Variants in SYNE3 observed in about 807,000 individuals in gnomAD.
SYNE3 encodes the protein spectrin repeat containing nuclear envelope family member 3.
A neutral mutation model predicts 111.2 loss-of-function variants in SYNE3; 100 were observed. The observed-to-expected ratio is 0.90, with a 90% confidence interval of 0.77 to 1.06. SYNE3 has a LOEUF of 1.06. Among genes scored for constraint, SYNE3 ranks in the 50% least tolerant of loss-of-function variants. The pLI, the probability that SYNE3 is intolerant of heterozygous loss-of-function variation, is 0.00. For missense variants in SYNE3, 1,160 were observed against 1,240.3 expected, an observed-to-expected ratio of 0.94 and a Z score of 0.97; for synonymous variants, 547 against 533.9, an observed-to-expected ratio of 1.02 and a Z score of -0.34.
At chr14:95,474,603 T>C (rs940597191) in intron 2 of SYNE3, among the ~76,000 whole-genome samples, 2 of 152,148 alleles carry the variant, frequency 1.3e-5, no homozygotes, top group Non-Finnish European at 2.9e-5. Context: ...CAGTTGCAAA[T>C]GCAGACAATG....
chr14:95,439,667 T>C lies in SYNE3; in HGVS notation c.2191A>G (p.Arg731Gly), dbSNP rs1421738616. Residue 731 changes from arginine (R) to glycine (G), a missense_variant, in exon 13 of 18, where the codon AGG becomes GGG. By Grantham distance (125) the Arg-to-Gly change is moderately radical (BLOSUM62 -2). Transcript: ENST00000682763. Reference protein sequence around the residue: ...EGAAVVQEELRELAESWRALR... With the variant: ...EGAAVVQEELGELAESWRALR... ...GCCCGCCACGACTCTGCCAGCTCCC[T>C]GAGCTCCTCCTGCACCACGGCAGCA... The C allele has an allele frequency of 6.2e-7, 1 of 1,613,994 alleles. No homozygotes were observed. Among genetic ancestry groups the C allele is most frequent in the South Asian group, 1.1e-5 (1 of 91,072 alleles).
At chr14:95,462,399 A>C (rs978109965) in intron 4 of SYNE3, among the ~76,000 whole-genome samples, 5 of 152,228 alleles carry the variant, frequency 3.3e-5, no homozygotes, top group Non-Finnish European at 7.3e-5. Flanking sequence ...GAGAAAGCCA[A>C]AACTGAATTC....
intron 1 of SYNE3, among the ~76,000 whole-genome samples, chr14:95,480,020 C>T (rs758786238): frequency 1.1e-4 from 16 of 152,056 alleles, no homozygotes; most frequent in African/African-American, 3.1e-4. Flanking sequence ...GGAGAAGTTT[C>T]GTCTCTGGAC....
chr14:95,515,819 G>C (rs912309015), intron 1 of SYNE3, among the ~76,000 whole-genome samples: 3 of 152,176 alleles, frequency 2.0e-5, no homozygotes, highest in Admixed American at 6.5e-5. Flanking sequence ...TTATCACCCC[G>C]CCCAGGCTGG....
rs944891034 is a variant in SYNE3 at position 95,500,320 on chromosome 14, G to A, written c.-15+16276C>T. Reference sequence around the variant, plus strand: ...AACTTTGAGACGCCAGGTTTACGACGTGCCTGTGAGAAGCCGGGCATCCAG... The same window carrying A: ...AACTTTGAGACGCCAGGTTTACGACATGCCTGTGAGAAGCCGGGCATCCAG... On this transcript the variant is annotated intron_variant, in intron 1 of 17. Transcript: ENST00000682763. The surrounding 1 kb of genome is among the most constrained non-coding windows in gnomAD (Gnocchi z 4.7). Among the ~76,000 whole-genome samples the A allele has an allele frequency of 2.6e-5, 4 of 152,174 alleles. No individual in the cohort carries two copies. Among genetic ancestry groups the A allele is most frequent in the East Asian group, 1.9e-4 (1 of 5,188 alleles).
chr14:95,486,491 C>T (rs1889556351), intron 1 of SYNE3, among the ~76,000 whole-genome samples: 1 of 152,164 alleles, frequency 6.6e-6, no homozygotes, highest in Admixed American at 6.5e-5. Context: ...CCTGAACCCC[C>T]CAGACCTGCC....
chr14:95,449,448 C>A (rs1454894842), intron 8 of SYNE3: 2 of 985,274 alleles, frequency 2.0e-6, no homozygotes, highest in Non-Finnish European at 2.4e-6. Flanking sequence ...GGGAGATGCA[C>A]GTTTGGAGCC....
At chr14:95,427,116 G>A (rs1287099914) in intron 17 of SYNE3, among the ~76,000 whole-genome samples, 1 of 152,130 alleles carries the variant, frequency 6.6e-6, no homozygotes, top group African/African-American at 2.4e-5. Context: ...GATAGGAGCT[G>A]AGGGGACATA....
chr14:95,445,612 C>T (rs1266794518), intron 9 of SYNE3, among the ~76,000 whole-genome samples: 1 of 152,212 alleles, frequency 6.6e-6, no homozygotes. Context: ...TTATTTGACC[C>T]TCCTGTCACT....
chr14:95,443,148 C>A lies in SYNE3; in HGVS notation c.1911+7G>T. 6.2e-7 allele frequency: 1 copy of A among 1,613,660 alleles called. No individual in the cohort carries two copies. The highest frequency in any genetic ancestry group is 1.1e-5 in the South Asian group (1 of 90,998). On this transcript the variant is annotated splice_region_variant and intron_variant, in intron 11 of 17. Coordinates refer to ENST00000682763, the MANE Select transcript of SYNE3 (RefSeq NM_152592.6). The stretch of plus-strand genomic sequence containing the variant: ...TCAAAGCACAGGCCCTTCTGCCAGC[C>A]CCTTACCTCCAGAGACCTCTGCAGG...
At chr14:95,433,447 T>C in intron 15 of SYNE3, 38 bp from the exon 16 acceptor site, 1 of 1,609,882 alleles carries the variant, frequency 6.2e-7, no homozygotes, top group Non-Finnish European at 8.5e-7. Flanking sequence ...GGCTTCCAAA[T>C]GGCCCAGACA....
At chr14:95,422,276 G>A (rs1270055291) in intron 17 of SYNE3, among the ~76,000 whole-genome samples, 1 of 151,800 alleles carries the variant, frequency 6.6e-6, no homozygotes, top group Non-Finnish European at 1.5e-5. Context: ...CACTAACTCA[G>A]GACCAAAGGT....
intron 10 of SYNE3, 65 bp from the exon 11 acceptor site, chr14:95,443,354 C>G: frequency 6.3e-7 from 1 of 1,590,568 alleles, no homozygotes; most frequent in Non-Finnish European, 8.6e-7. Context: ...GGTGGCCGAT[C>G]AGGGCAGAGC....
intron 1 of SYNE3, among the ~76,000 whole-genome samples, chr14:95,490,892 A>G (rs888527777): frequency 2.0e-5 from 3 of 152,246 alleles, no homozygotes; most frequent in African/African-American, 7.2e-5. Flanking sequence ...TCAGCTCTGC[A>G]TCATCCGTTG....
chr14:95,505,783 T>C (rs1254323557), intron 1 of SYNE3, among the ~76,000 whole-genome samples: 1 of 152,208 alleles, frequency 6.6e-6, no homozygotes, highest in Non-Finnish European at 1.5e-5. Context: ...TAACTCTATC[T>C]GGATAATGGT....
intron 10 of SYNE3, 70 bp from the exon 11 acceptor site, chr14:95,443,359 C>A: frequency 6.3e-7 from 1 of 1,581,960 alleles, no homozygotes. Context: ...CCGATCAGGG[C>A]AGAGCCTCTG....
chr14:95,505,356 G>A (rs17092603), intron 1 of SYNE3, among the ~76,000 whole-genome samples: 19 of 152,210 alleles, frequency 1.2e-4, no homozygotes, highest in Non-Finnish European at 2.2e-4. Flanking sequence ...AAGCCACACC[G>A]GGAAACCCTG....
In SYNE3 at chr14:95,495,325, C is replaced by T. The variant is rs140294476; in HGVS notation, c.-14-19490G>A. On this transcript the variant is annotated intron_variant, in intron 1 of 17. Coordinates refer to ENST00000682763, the MANE Select transcript of SYNE3 (RefSeq NM_152592.6). ...GCCCACCTTGGACAATGCTGTTTGA[C>T]AGTTAAGGAGTCTCCTGCCTGCTGC... Among the ~76,000 whole-genome samples the T allele has an allele frequency of 2.0e-5, 3 of 152,332 alleles. No individual in the cohort carries two copies. The East Asian group carries it at 5.8e-4, about 29-fold the overall frequency.
rs990535238 is a variant in SYNE3 at position 95,417,694 on chromosome 14, C to T, written c.*132G>A. ...TAAGTGTCTTCTGGGAACGCTGACA[C>T]AGCACTGATATGGATGCAGCTCTGC... is the stretch of plus-strand genomic sequence containing the variant. On this transcript the variant is annotated 3_prime_UTR_variant, in exon 18 of 18. Coordinates refer to ENST00000682763, the MANE Select transcript of SYNE3 (RefSeq NM_152592.6). 9.6e-6 allele frequency: 9 copies of T among 940,204 alleles called. No individual in the cohort carries two copies. The highest frequency in any genetic ancestry group is 1.5e-5 in the Non-Finnish European group (9 of 581,078). The allele number at this position is 940,204 out of a possible 1,614,324, so 58.2% of individuals were successfully genotyped here. A position where few individuals can be genotyped will look rare whatever the true frequency, so the allele number is the denominator to read the frequency against.
Sources: gnomAD v4.1 joint callset for allele counts (sites outside exome capture counted in the v4.1 genomes callset) on GRCh38, gnomAD v4.1.1 for gene constraint, Gnocchi (gnomAD v3.1) non-coding constraint, MANE v1.5 for transcripts, NCBI Gene and HGNC (gene_info 2026-07-23, HGNC 2026-07-21) for gene names.